DCN: variants seen among roughly 807,000 people sequenced by gnomAD.
DCN encodes decorin, also known as bone proteoglycan II.
A neutral mutation model predicts 36.5 loss-of-function variants in DCN; 17 were observed. That is an observed-to-expected ratio of 0.47 (90% CI 0.32 to 0.70). The LOEUF (loss-of-function observed/expected upper bound fraction) is 0.70. Among genes scored for constraint, DCN ranks in the 30% least tolerant of loss-of-function variants. The pLI is 0.04. For missense variants in DCN, 389 were observed against 430.1 expected (o/e 0.90, Z 0.84); for synonymous variants, 163 against 161.4 (o/e 1.01, Z -0.07).
At chr12:91,164,462 T>TA (rs36087078) in intron 3 of DCN, 143 bp downstream of exon 3, 121,497 of 315,960 alleles carry the variant, frequency 0.38, 15,441 homozygotes, top group African/African-American at 0.46. Context: ...AAAAAAAAAG[T>TA]AAAAAAAAAA....
intron 3 of DCN, among the ~76,000 whole-genome samples, chr12:91,159,227 A>G (rs1001206009): frequency 3.9e-5 from 6 of 152,196 alleles, no homozygotes; most frequent in African/African-American, 1.4e-4. Flanking sequence ...ATCTTCATTG[A>G]TCATGAACAT....
In DCN at chr12:91,144,600, A is replaced by C. The variant is rs1219598998; in HGVS notation, c.*1458T>G. On this transcript the variant is annotated 3_prime_UTR_variant, in exon 8 of 8. Coordinates refer to ENST00000052754, the MANE Select transcript of DCN (RefSeq NM_001920.5). ...TCGGGATATGTCAAATGTAAATGAA[A>C]ATTATTGCTTCTGTTTCAGAAGAAG... 1 of 152,192 alleles carries C rather than the reference A, an allele frequency of 6.6e-6. No homozygotes were observed. Among genetic ancestry groups the C allele is most frequent in the East Asian group, 1.9e-4 (1 of 5,198 alleles). 9.4% of individuals were successfully genotyped at this position (152,192 alleles called of 1,614,324 possible).
intron 5 of DCN, among the ~76,000 whole-genome samples, chr12:91,154,493 G>A (rs974006779): frequency 1.3e-5 from 2 of 151,848 alleles, no homozygotes; most frequent in African/African-American, 2.4e-5. Context: ...CACAACCATC[G>A]GCCTTACTTA....
At chr12:91,154,329 T>C (rs1881622948) in intron 5 of DCN, among the ~76,000 whole-genome samples, 1 of 152,158 alleles carries the variant, frequency 6.6e-6, no homozygotes, top group African/African-American at 2.4e-5. Context: ...GCACTTTTCC[T>C]ACTTCAAATC....
Position 91,142,037 on chromosome 12 carries a change from A to G in DCN, c.*4021T>C, listed in dbSNP as rs1303991956. 1 of 152,140 alleles carries G rather than the reference A, an allele frequency of 6.6e-6. No homozygotes were observed. Among genetic ancestry groups the G allele is most frequent in the African/African-American group, 2.4e-5 (1 of 41,430 alleles). 9.4% of individuals were successfully genotyped at this position (152,140 alleles called of 1,614,324 possible). A position where few individuals can be genotyped will look rare whatever the true frequency, so the allele number is the denominator to read the frequency against. ...CTTTCTTGATTTTACTTTGTTTTCC[A>G]CTATTATACTTTGTGGTGTGAAATT... On this transcript the variant is annotated 3_prime_UTR_variant, in exon 8 of 8. Transcript: ENST00000052754.
At position 91,141,417 on chromosome 12, in the gene DCN, T is replaced by C. The variant is rs1181581166; in HGVS notation, c.*4641A>G. The C allele has an allele frequency of 6.6e-6, 1 of 152,174 alleles. No individual in the cohort carries two copies. Among genetic ancestry groups the C allele is most frequent in the Non-Finnish European group, 1.5e-5 (1 of 68,074 alleles). The allele number at this position is 152,174 out of a possible 1,614,324, so 9.4% of individuals were successfully genotyped here. A position where few individuals can be genotyped will look rare whatever the true frequency, so the allele number is the denominator to read the frequency against. ...AATGTCACTCCTGATAAGTCCTTTT[T>C]CCGACCATCCTATATAAAATAGCAA... is the stretch of plus-strand genomic sequence containing the variant. On this transcript the variant is annotated 3_prime_UTR_variant, in exon 8 of 8. Coordinates refer to ENST00000052754, the MANE Select transcript of DCN (RefSeq NM_001920.5).
rs1040967552 is a variant in DCN at position 91,144,217 on chromosome 12, A to T, written c.*1841T>A. On this transcript the variant is annotated 3_prime_UTR_variant, in exon 8 of 8. Coordinates refer to ENST00000052754, the MANE Select transcript of DCN (RefSeq NM_001920.5). ...AGGGTGCGTCACTCAAGGCTACACCATAAAGGGTGAATCATTCAAGGTTAC... is the reference window on the plus strand; with the variant it reads ...AGGGTGCGTCACTCAAGGCTACACCTTAAAGGGTGAATCATTCAAGGTTAC... The T allele has an allele frequency of 6.6e-6, 1 of 152,224 alleles. No homozygotes were observed. The highest frequency in any genetic ancestry group is 1.5e-5 in the Non-Finnish European group (1 of 68,076). The allele number at this position is 152,224 out of a possible 1,614,324, so 9.4% of individuals were successfully genotyped here.
chr12:91,154,387 C>G (rs1881625850), intron 5 of DCN, among the ~76,000 whole-genome samples: 1 of 152,106 alleles, frequency 6.6e-6, no homozygotes, highest in East Asian at 1.9e-4. Flanking sequence ...TCCCTTTTCA[C>G]AGTTAAATAA....
chr12:91,157,936 T>C (rs1881903381), intron 4 of DCN, among the ~76,000 whole-genome samples: 1 of 152,198 alleles, frequency 6.6e-6, no homozygotes, highest in Non-Finnish European at 1.5e-5. Context: ...CCATAACATA[T>C]TTTTAAAGCA....
rs1397361142 is a variant in DCN, at chr12:91,140,900, CTT to C, written c.*5156_*5157del. On this transcript the variant is annotated 3_prime_UTR_variant, in exon 8 of 8. Coordinates refer to ENST00000052754, the MANE Select transcript of DCN (RefSeq NM_001920.5). ...TCCTGAAGTCATCTCTGTTTCTTTT[CTT>C]TCTCTCTCATGCCCCATCTGATCAT... 6.6e-6 allele frequency: 1 copy of C among 152,238 alleles called. No individual in the cohort carries two copies. Among genetic ancestry groups the C allele is most frequent in the Non-Finnish European group, 1.5e-5 (1 of 68,078 alleles). The allele number at this position is 152,238 out of a possible 1,614,324, so 9.4% of individuals were successfully genotyped here. A position where few individuals can be genotyped will look rare whatever the true frequency, so the allele number is the denominator to read the frequency against.
intron 7 of DCN, among the ~76,000 whole-genome samples, chr12:91,148,070 G>A (rs960304670): frequency 6.7e-6 from 1 of 149,394 alleles, no homozygotes; most frequent in South Asian, 2.1e-4. Flanking sequence ...AAGACAACAA[G>A]GTCTTTTTTT....
At chr12:91,153,448 T>A (rs1191215800) in intron 5 of DCN, among the ~76,000 whole-genome samples, 1 of 151,896 alleles carries the variant, frequency 6.6e-6, no homozygotes, top group Non-Finnish European at 1.5e-5. Flanking sequence ...CAATTTTTGT[T>A]CTTGGAATAG....
chr12:91,165,258 G>A (rs3138218), intron 2 of DCN, among the ~76,000 whole-genome samples: 2,581 of 152,098 alleles, frequency 0.017, 69 homozygotes, highest in African/African-American at 0.058. Flanking sequence ...TTGGGATAAC[G>A]GTTCTTTTAG....
Position 91,144,071 on chromosome 12 carries a change from C to G in DCN, c.*1987G>C, listed in dbSNP as rs905476428. 4 of 152,142 alleles carry G rather than the reference C, an allele frequency of 2.6e-5. No homozygotes were observed. The highest frequency in any genetic ancestry group is 6.8e-3 in the Middle Eastern group (2 of 292). 9.4% of individuals were successfully genotyped at this position (152,142 alleles called of 1,614,324 possible). On this transcript the variant is annotated 3_prime_UTR_variant, in exon 8 of 8. Coordinates refer to ENST00000052754, the MANE Select transcript of DCN (RefSeq NM_001920.5). ...AGATTTCTACTTATTTCTCACCACACTTGTCAGTTAAGCAGCAGGATATCT... is the reference window on the plus strand; with the variant it reads ...AGATTTCTACTTATTTCTCACCACAGTTGTCAGTTAAGCAGCAGGATATCT...
At chr12:91,179,822 T>G (rs1056752668) in intron 1 of DCN, 1 of 152,194 alleles carries the variant, frequency 6.6e-6, no homozygotes, top group Non-Finnish European at 1.5e-5. Context: ...TTCTCAAACA[T>G]TATGTTTAAT....
At chr12:91,147,120 C>T (rs1481202165) in intron 7 of DCN, among the ~76,000 whole-genome samples, 1 of 152,154 alleles carries the variant, frequency 6.6e-6, no homozygotes, top group Non-Finnish European at 1.5e-5. Flanking sequence ...ATCTAAAGTT[C>T]TCAAAGGGGC....
In DCN at chr12:91,151,731, G is replaced by T. The variant is rs1354523256; in HGVS notation, c.808C>A (p.His270Asn). ...TTGTCCAAGTGAAGCTCCCTCAGAT[G>T]AGGCGTGTTGGCCAGAGAGCCATTG... is the stretch of plus-strand genomic sequence containing the variant. ...VDNGSLANTPHLRELHLDNNK... is the reference protein window; with the variant it reads ...VDNGSLANTPNLRELHLDNNK... The change falls in exon 7 of 8, where the codon CAT (histidine) becomes AAT (asparagine). Residue 270 changes from histidine to asparagine, a missense_variant. By Grantham distance (68) the His-to-Asn change is moderately conservative (BLOSUM62 1). Coordinates refer to ENST00000052754, the MANE Select transcript of DCN (RefSeq NM_001920.5). The T allele has an allele frequency of 2.5e-6, 4 of 1,614,090 alleles. No homozygotes were observed. The highest frequency in any genetic ancestry group is 3.4e-6 in the Non-Finnish European group (4 of 1,179,966).
chr12:91,143,939 C>T lies in DCN; in HGVS notation c.*2119G>A, dbSNP rs936767614. 14 of 151,374 alleles carry T rather than the reference C, an allele frequency of 9.2e-5. No homozygotes were observed. Among genetic ancestry groups the T allele is most frequent in the African/African-American group, 2.9e-4 (12 of 41,292 alleles). 9.4% of individuals were successfully genotyped at this position (151,374 alleles called of 1,614,324 possible). A position where few individuals can be genotyped will look rare whatever the true frequency, so the allele number is the denominator to read the frequency against. ...TTGACAAGAGTGCTGGAGAATCAGG[C>T]CTGTTTCTCATTTTGATACTGAACA... On this transcript the variant is annotated 3_prime_UTR_variant, in exon 8 of 8. Transcript: ENST00000052754.
chr12:91,178,189 C>G (rs1236896785), intron 2 of DCN, among the ~76,000 whole-genome samples, 153 bp downstream of exon 2: 1 of 152,012 alleles, frequency 6.6e-6, no homozygotes, highest in Non-Finnish European at 1.5e-5. Flanking sequence ...CGCTACTTTT[C>G]TTTCTATCCT....
Sources: gnomAD v4.1 joint callset for allele counts (sites outside exome capture counted in the v4.1 genomes callset) on GRCh38, gnomAD v4.1.1 for gene constraint, MANE v1.5 for transcripts, NCBI Gene and HGNC (gene_info 2026-07-23, HGNC 2026-07-21) for gene names.